Variants in JPT2 observed in about 807,000 individuals in gnomAD.
JPT2 encodes Jupiter microtubule associated homolog 2.
Under a neutral mutation model 15.9 loss-of-function variants are expected in JPT2, and 9 were observed. The ratio of observed to expected loss-of-function variants is 0.57; its 90% CI spans 0.34 to 0.99. The LOEUF (loss-of-function observed/expected upper bound fraction) is 0.99. Among genes scored for constraint, JPT2 ranks in the 50% least tolerant of loss-of-function variants. JPT2 has a pLI of 0.02. For synonymous variants in JPT2, 95 were observed against 91.7 expected, an observed-to-expected ratio of 1.04 and a Z score of -0.21; for missense variants, 267 against 252.1, an observed-to-expected ratio of 1.06 and a Z score of -0.40.
At chr16:1,686,382 A>C (rs2037066438) in intron 2 of JPT2, 1 of 148,918 alleles carries the variant, frequency 6.7e-6, no homozygotes, top group Non-Finnish European at 1.5e-5. Flanking sequence ...CAAAAAAAAA[A>C]AGAAAAAGAA....
At chr16:1,696,986 C>T (rs140817706) in intron 3 of JPT2, among the ~76,000 whole-genome samples, 8 of 152,264 alleles carry the variant, frequency 5.3e-5, no homozygotes, top group Admixed American at 6.5e-5. Flanking sequence ...GATTTGAAAA[C>T]AAGGAGTCAA....
intron 1 of JPT2, among the ~76,000 whole-genome samples, chr16:1,679,339 A>G (rs1300146899): frequency 2.0e-5 from 3 of 152,220 alleles, no homozygotes; most frequent in Non-Finnish European, 4.4e-5. Context: ...GATCAAGTGA[A>G]GACAAATACT....
Position 1,687,319 on chromosome 16 carries a change from CTGTT to C in JPT2, c.193+1735_193+1738del, listed in dbSNP as rs200650561. 1.1e-4 allele frequency among the ~76,000 whole-genome samples: 17 copies of C among 152,172 alleles called. No homozygotes were observed. The East Asian group carries it at 1.5e-3, about 14-fold the overall frequency. On this transcript the variant is annotated intron_variant, in intron 2 of 4. Coordinates refer to ENST00000248098, the MANE Select transcript of JPT2 (RefSeq NM_144570.3). Reference sequence around the variant, plus strand: ...GGTTTGCTGCTTGCCTTTTTTTGGTCTGTTTGGTTGCTTTTTTGGTTGTTAGAGA... The same window carrying C: ...GGTTTGCTGCTTGCCTTTTTTTGGTCTGGTTGCTTTTTTGGTTGTTAGAGA...
At chr16:1,694,994 T>C (rs2037130829) in intron 3 of JPT2, among the ~76,000 whole-genome samples, 1 of 152,176 alleles carries the variant, frequency 6.6e-6, no homozygotes, top group African/African-American at 2.4e-5. Context: ...GTGCATGGTG[T>C]CTCACACTTG....
At chr16:1,682,602 G>T (rs2037032072) in intron 1 of JPT2, among the ~76,000 whole-genome samples, 1 of 152,054 alleles carries the variant, frequency 6.6e-6, no homozygotes, top group South Asian at 2.1e-4. Flanking sequence ...AACCCAGGAG[G>T]TGGAGATTGC....
intron 3 of JPT2, among the ~76,000 whole-genome samples, chr16:1,696,494 C>G (rs549821568): frequency 2.2e-4 from 34 of 151,488 alleles, no homozygotes; most frequent in African/African-American, 8.2e-4. Flanking sequence ...GCACTCCAGC[C>G]TGGGCAACAG....
intron 2 of JPT2, among the ~76,000 whole-genome samples, chr16:1,691,267 G>T (rs2037101952): frequency 6.6e-6 from 1 of 152,126 alleles, no homozygotes; most frequent in Admixed American, 6.6e-5. Context: ...TTTTCATTAT[G>T]GCTTATCAAG....
intron 3 of JPT2, among the ~76,000 whole-genome samples, chr16:1,694,423 A>C (rs546903579): frequency 5.3e-4 from 81 of 152,382 alleles, no homozygotes; most frequent in Non-Finnish European, 8.8e-4. Context: ...CTGAGGATTA[A>C]AGAGAGACAA....
At chr16:1,693,084 G>A (rs867509860) in intron 3 of JPT2, among the ~76,000 whole-genome samples, 2 of 152,218 alleles carry the variant, frequency 1.3e-5, no homozygotes, top group African/African-American at 4.8e-5. Flanking sequence ...CTGAGGTTTG[G>A]TCGTGTTTTT....
In JPT2 at chr16:1,695,546, C is replaced by G. The variant is rs548753380; in HGVS notation, c.337-2266C>G. On this transcript the variant is annotated intron_variant, in intron 3 of 4. Transcript: ENST00000248098. ...GTGATTTTGCCATTTGCACTCCAGC[C>G]TGGGTGACAGAATGAGATCCTGTCT... 3.3e-5 allele frequency among the ~76,000 whole-genome samples: 5 copies of G among 151,922 alleles called. No homozygotes were observed. The South Asian group carries it at 6.3e-4, about 19-fold the overall frequency.
In JPT2 at chr16:1,697,114, C is replaced by T. The variant is rs565811484; in HGVS notation, c.337-698C>T. ...GGTCTGTCCATACAATGGAATATTA[C>T]TCAGCCATAGAAAGGAATGGAGCAT... On this transcript the variant is annotated intron_variant, in intron 3 of 4. Coordinates refer to ENST00000248098, the MANE Select transcript of JPT2 (RefSeq NM_144570.3). Among the ~76,000 whole-genome samples, 7 of 152,322 alleles carry T rather than the reference C, an allele frequency of 4.6e-5. No homozygotes were observed. The East Asian group carries it at 1.3e-3, about 29-fold the overall frequency.
intron 1 of JPT2, among the ~76,000 whole-genome samples, chr16:1,678,605 G>A (rs1279096322): frequency 1.3e-5 from 2 of 152,210 alleles, no homozygotes; most frequent in East Asian, 3.9e-4. Flanking sequence ...GGGCGGGGAG[G>A]GGCGCCCGGG....
chr16:1,684,108 T>A (rs1034680689), intron 1 of JPT2, among the ~76,000 whole-genome samples: 5 of 152,206 alleles, frequency 3.3e-5, no homozygotes, highest in African/African-American at 1.2e-4. Context: ...AAGAAGTCTG[T>A]AGATGTTCAG....
In JPT2 at chr16:1,696,236, CAAAA is replaced by C. The variant is rs1044898257; in HGVS notation, c.337-1573_337-1570del. On this transcript the variant is annotated intron_variant, in intron 3 of 4. Transcript: ENST00000248098. ...AGAATGAGACTCTGTCTCAAAAAAA[CAAAA>C]AACAAACAAAAAAGCCTGGGCACAG... Among the ~76,000 whole-genome samples the C allele has an allele frequency of 3.0e-4, 38 of 128,282 alleles. No homozygotes were observed. In the East Asian group the frequency reaches 6.0e-3, roughly 20 times the overall value. The allele number at this position is 128,282 out of a possible 152,430, so 84.2% of individuals were successfully genotyped here. A position where few individuals can be genotyped will look rare whatever the true frequency, so the allele number is the denominator to read the frequency against.
Position 1,699,339 on chromosome 16 carries a change from C to T in JPT2, c.*341C>T. ...CAGCTGATTGGATGTCTAGGAATGA[C>T]TGAAAGAAACCAAAACAGCCTGTCC... On this transcript the variant is annotated 3_prime_UTR_variant, in exon 5 of 5. Coordinates refer to ENST00000248098, the MANE Select transcript of JPT2 (RefSeq NM_144570.3). The T allele has an allele frequency of 4.0e-6, 2 of 505,514 alleles. No individual in the cohort carries two copies. Among genetic ancestry groups the T allele is most frequent in the Non-Finnish European group, 7.7e-6 (2 of 258,752 alleles). The allele number at this position is 505,514 out of a possible 1,614,324, so 31.3% of individuals were successfully genotyped here.
At position 1,694,291 on chromosome 16, in the gene JPT2, C is replaced by T. The variant is rs182135352; in HGVS notation, c.336+2306C>T. On this transcript the variant is annotated intron_variant, in intron 3 of 4. Coordinates refer to ENST00000248098, the MANE Select transcript of JPT2 (RefSeq NM_144570.3). Reference sequence around the variant, plus strand: ...GAAATCCACCATGGGCCCCCATTGACGCTGTTTCGTCAAAAAAATCAAGCT... The same window carrying T: ...GAAATCCACCATGGGCCCCCATTGATGCTGTTTCGTCAAAAAAATCAAGCT... Among the ~76,000 whole-genome samples the T allele has an allele frequency of 1.6e-4, 25 of 152,312 alleles. No individual in the cohort carries two copies. In the East Asian group the frequency reaches 3.1e-3, roughly 19 times the overall value.
chr16:1,700,129 C>T lies in JPT2; in HGVS notation c.*1131C>T, dbSNP rs1158699529. On this transcript the variant is annotated 3_prime_UTR_variant, in exon 5 of 5. Coordinates refer to ENST00000248098, the MANE Select transcript of JPT2 (RefSeq NM_144570.3). ...AGGAAGAAGAGCTGTGGAGGCCACC[C>T]TCTACAAAGCTTTATAGAACTTCTG... 2.2e-6 allele frequency: 1 copy of T among 456,022 alleles called. No individual in the cohort carries two copies. The highest frequency in any genetic ancestry group is 4.4e-6 in the Non-Finnish European group (1 of 226,744). The allele number at this position is 456,022 out of a possible 1,614,324, so 28.2% of individuals were successfully genotyped here. A position where few individuals can be genotyped will look rare whatever the true frequency, so the allele number is the denominator to read the frequency against.
intron 4 of JPT2, 104 bp downstream of exon 4, chr16:1,697,964 C>T (rs2037154600): frequency 1.0e-6 from 1 of 989,824 alleles, no homozygotes; most frequent in Non-Finnish European, 1.6e-6. Context: ...TTTGCACCTT[C>T]TGGGCCACCT....
In JPT2 at chr16:1,683,555, C is replaced by G. The variant is rs117348044; in HGVS notation, c.45-1884C>G. 483 of 1,535,668 alleles carry G rather than the reference C, an allele frequency of 3.1e-4. 6 individuals are homozygous for G. The East Asian group carries it at 7.5e-3, about 24-fold the overall frequency. ...AAGTTTGGCATCCACCTCCCCCAGC[C>G]TCCTGAGTGGACAGGGGCCCTGGGC... On this transcript the variant is annotated intron_variant, in intron 1 of 4. Coordinates refer to ENST00000248098, the MANE Select transcript of JPT2 (RefSeq NM_144570.3).
Sources: allele counts gnomAD v4.1 joint callset (sites outside exome capture counted in the v4.1 genomes callset), GRCh38; gene constraint gnomAD v4.1.1; transcripts MANE v1.5; gene names NCBI Gene and HGNC (gene_info 2026-07-23, HGNC 2026-07-21).